RAPGEF2: variants seen among roughly 807,000 people sequenced by gnomAD.
RAPGEF2 encodes the protein PDZ domain containing guanine nucleotide exchange factor (GEF) 1.
A neutral mutation model predicts 186.7 loss-of-function variants in RAPGEF2; 54 were observed. The ratio of observed to expected loss-of-function variants is 0.29; its 90% confidence interval spans 0.23 to 0.36. The LOEUF is 0.36. RAPGEF2 is among the 10% of genes least tolerant of loss of function. The probability of loss-of-function intolerance (pLI) is 1.00; values close to 1 mark genes in which losing one functional copy is unlikely to be tolerated. For missense variants in RAPGEF2, 1,532 were observed against 2,045.0 expected (o/e 0.75, Z 4.84); for synonymous variants, 712 against 705.9 (o/e 1.01, Z -0.14).
chr4:159,295,273 G>T (rs944176234), intron 7 of RAPGEF2, among the ~76,000 whole-genome samples: 3 of 152,178 alleles, frequency 2.0e-5, no homozygotes, highest in Admixed American at 6.5e-5. Context: ...TGGACTGAAT[G>T]ACCTAGAGAA....
chr4:159,269,818 G>A (rs1193124289), intron 7 of RAPGEF2, among the ~76,000 whole-genome samples: 1 of 152,096 alleles, frequency 6.6e-6, no homozygotes, highest in Non-Finnish European at 1.5e-5. Context: ...TGCTACTATG[G>A]GCAACATAGT....
intron 9 of RAPGEF2, among the ~76,000 whole-genome samples, chr4:159,320,721 A>C (rs941357321): frequency 1.3e-5 from 2 of 152,176 alleles, no homozygotes; most frequent in African/African-American, 4.8e-5. Flanking sequence ...TGTATCTGGG[A>C]AAATATATTC....
chr4:159,347,556 G>A (rs901405164), intron 25 of RAPGEF2, among the ~76,000 whole-genome samples: 1 of 152,050 alleles, frequency 6.6e-6, no homozygotes, highest in Admixed American at 6.5e-5. Flanking sequence ...AGGCTGAGGC[G>A]GGCAGATCAC....
chr4:159,356,003 G>A lies in RAPGEF2; in HGVS notation c.4802G>A (p.Arg1601Gln), dbSNP rs749222837. 5 of 1,612,320 alleles carry A rather than the reference G, an allele frequency of 3.1e-6. No homozygotes were observed. Among genetic ancestry groups the A allele is most frequent in the East Asian group, 2.2e-5 (1 of 44,742 alleles). The change falls in exon 29 of 30, where the codon CGA (arginine) becomes CAA (glutamine). Residue 1601 changes from arginine to glutamine, a missense_variant. By Grantham distance (43) the Arg-to-Gln change is conservative. Coordinates refer to ENST00000691494, the MANE Select transcript of RAPGEF2 (RefSeq NM_001394067.2). Reference sequence around the variant, plus strand: ...CTTCAGAGATCGCGGATGGTCGCACGATCCTCCGACACAGCTGGGCCTTCA... The same window carrying A: ...CTTCAGAGATCGCGGATGGTCGCACAATCCTCCGACACAGCTGGGCCTTCA... ...VALQRSRMVA[R>Q]SSDTAGPSSV...
At chr4:159,188,849 T>C (rs1201223023) in intron 2 of RAPGEF2, among the ~76,000 whole-genome samples, 2 of 152,208 alleles carry the variant, frequency 1.3e-5, no homozygotes, top group Non-Finnish European at 2.9e-5. Flanking sequence ...TTTTGGAGCC[T>C]ACACAGATGT....
intron 1 of RAPGEF2, among the ~76,000 whole-genome samples, chr4:159,179,740 G>A (rs757774897): frequency 6.6e-6 from 1 of 152,174 alleles, no homozygotes; most frequent in South Asian, 2.1e-4. Flanking sequence ...GGAAAGGAGT[G>A]GGGGTAGCTC....
At chr4:159,118,795 G>GA (rs1739344764) in intron 1 of RAPGEF2, among the ~76,000 whole-genome samples, 2 of 152,100 alleles carry the variant, frequency 1.3e-5, no homozygotes, top group African/African-American at 4.8e-5. Flanking sequence ...ATGTTGACCA[G>GA]ACTGGTCTTG....
intron 7 of RAPGEF2, among the ~76,000 whole-genome samples, chr4:159,292,929 A>G (rs1484591364): frequency 1.3e-5 from 2 of 152,110 alleles, no homozygotes; most frequent in Non-Finnish European, 2.9e-5. Context: ...TACTTTGTTG[A>G]TTTTGTTCTC....
At chr4:159,318,630 C>T (rs1399042839) in intron 9 of RAPGEF2, among the ~76,000 whole-genome samples, 2 of 151,878 alleles carry the variant, frequency 1.3e-5, no homozygotes, top group Non-Finnish European at 2.9e-5. Context: ...TAATTTTTAC[C>T]CTGGAACTCA....
At chr4:159,257,940 A>G (rs1287928569) in intron 7 of RAPGEF2, among the ~76,000 whole-genome samples, 1 of 152,078 alleles carries the variant, frequency 6.6e-6, no homozygotes, top group Non-Finnish European at 1.5e-5. Flanking sequence ...TTCTTGTCCT[A>G]TCCCATTTAA....
chr4:159,182,079 A>G (rs1183844372), intron 1 of RAPGEF2, among the ~76,000 whole-genome samples: 1 of 152,212 alleles, frequency 6.6e-6, no homozygotes, highest in African/African-American at 2.4e-5. Flanking sequence ...GATAGGGGAA[A>G]CAATTTTGTT....
At chr4:159,207,290 G>T (rs940799882) in intron 3 of RAPGEF2, among the ~76,000 whole-genome samples, 1 of 152,156 alleles carries the variant, frequency 6.6e-6, no homozygotes, top group Non-Finnish European at 1.5e-5. Context: ...CTAATCGACG[G>T]GTGGTAAGGA....
chr4:159,192,260 A>G (rs1035362287), intron 2 of RAPGEF2, among the ~76,000 whole-genome samples: 13 of 152,118 alleles, frequency 8.5e-5, no homozygotes, highest in African/African-American at 2.9e-4. Context: ...GAAGGGATTG[A>G]GGTTAAGGAC....
chr4:159,307,542 A>G (rs1763451325), intron 8 of RAPGEF2, among the ~76,000 whole-genome samples: 1 of 152,326 alleles, frequency 6.6e-6, no homozygotes, highest in Admixed American at 6.5e-5. Context: ...TTCATCCTCT[A>G]AACTTTGAGA....
chr4:159,268,790 G>A (rs1757744029), intron 7 of RAPGEF2, among the ~76,000 whole-genome samples: 2 of 151,792 alleles, frequency 1.3e-5, no homozygotes, highest in African/African-American at 4.8e-5. Context: ...TGTTTGTCAT[G>A]CTGAAATCCC....
chr4:159,194,723 A>C (rs898985259), intron 3 of RAPGEF2, among the ~76,000 whole-genome samples: 2 of 152,116 alleles, frequency 1.3e-5, no homozygotes, highest in African/African-American at 4.8e-5. Context: ...CAAAATCTAA[A>C]GTTTATTCAT....
chr4:159,326,457 G>A (rs953476342), intron 11 of RAPGEF2, among the ~76,000 whole-genome samples: 3 of 152,172 alleles, frequency 2.0e-5, no homozygotes, highest in African/African-American at 7.2e-5. Flanking sequence ...TTATATTTCA[G>A]GGAGTTCCAA....
chr4:159,265,963 A>G (rs972377823), intron 7 of RAPGEF2, among the ~76,000 whole-genome samples: 2 of 152,218 alleles, frequency 1.3e-5, no homozygotes, highest in Non-Finnish European at 2.9e-5. Context: ...TCATGTAAGT[A>G]TTCCATGGGA....
At chr4:159,344,268 A>G (rs1034813947) in intron 23 of RAPGEF2, among the ~76,000 whole-genome samples, 1 of 152,174 alleles carries the variant, frequency 6.6e-6, no homozygotes, top group African/African-American at 2.4e-5. Context: ...AGAGCTGTGA[A>G]ATGATTGATG....
Sources: allele counts gnomAD v4.1 joint callset (sites outside exome capture counted in the v4.1 genomes callset), GRCh38; gene constraint gnomAD v4.1.1; transcripts MANE v1.5; gene names NCBI Gene and HGNC (gene_info 2026-07-23, HGNC 2026-07-21).